The following CAMK2D variants were observed in gnomAD, a reference collection of about 807,000 sequenced individuals.
CAMK2D encodes calcium/calmodulin dependent protein kinase II delta.
Under a neutral mutation model 84.0 loss-of-function variants are expected in CAMK2D, and 37 were observed. That is an observed-to-expected ratio of 0.44 (90% CI 0.34 to 0.58). The LOEUF (loss-of-function observed/expected upper bound fraction) is 0.58, where lower values mean the gene tolerates loss of function less well. Among genes scored for constraint, CAMK2D ranks in the 20% least tolerant of loss-of-function variants. The pLI is 0.02. For missense variants in CAMK2D, 448 were observed against 652.5 expected (o/e 0.69, Z 3.41); for synonymous variants, 202 against 212.5 (o/e 0.95, Z 0.43).
At chr4:113,664,529 T>C (rs1261883197) in intron 2 of CAMK2D, among the ~76,000 whole-genome samples, 1 of 152,158 alleles carries the variant, frequency 6.6e-6, no homozygotes, top group East Asian at 1.9e-4. Context: ...AGGGTCTGAG[T>C]TCCTAGCTAG....
intron 16 of CAMK2D, among the ~76,000 whole-genome samples, chr4:113,469,470 A>G (rs1033708003): frequency 6.6e-6 from 1 of 152,138 alleles, no homozygotes; most frequent in South Asian, 2.1e-4. Context: ...AATTCCTTCT[A>G]AAGACTCAAT....
intron 3 of CAMK2D, among the ~76,000 whole-genome samples, chr4:113,627,085 C>T (rs916911): frequency 0.092 from 14,036 of 151,966 alleles, 1,952 homozygotes; most frequent in African/African-American, 0.3. Context: ...ATGTAAAATT[C>T]TTATTATTTC....
chr4:113,502,991 A>G lies in CAMK2D; in HGVS notation c.1045-14T>C. ...AGTTTGGGGCTCCTGAGTGAGAACA[A>G]AATAGAGAAAGAAACAGTTCGCATT... On this transcript the variant is annotated splice_polypyrimidine_tract_variant and intron_variant, in intron 14 of 20. Transcript: ENST00000511664. 6.3e-7 allele frequency: 1 copy of G among 1,588,648 alleles called. No individual in the cohort carries two copies. The highest frequency in any genetic ancestry group is 8.6e-7 in the Non-Finnish European group (1 of 1,156,892).
intron 2 of CAMK2D, among the ~76,000 whole-genome samples, chr4:113,714,589 A>G (rs1430560411): frequency 1.3e-5 from 2 of 152,014 alleles, no homozygotes; most frequent in African/African-American, 4.8e-5. Context: ...TACCTTCCCT[A>G]TACCAGGAGA....
chr4:113,555,631 T>C (rs753028043), intron 4 of CAMK2D, among the ~76,000 whole-genome samples: 1 of 152,178 alleles, frequency 6.6e-6, no homozygotes, highest in Non-Finnish European at 1.5e-5. Flanking sequence ...CTTCATTTAG[T>C]GATGAAGGCA....
intron 3 of CAMK2D, among the ~76,000 whole-genome samples, chr4:113,617,061 G>T (rs1339338985): frequency 6.6e-6 from 1 of 152,022 alleles, no homozygotes; most frequent in Non-Finnish European, 1.5e-5. Context: ...TATGAATTTT[G>T]ATTGGTGATT....
intron 4 of CAMK2D, among the ~76,000 whole-genome samples, chr4:113,552,789 A>C (rs1332545790): frequency 6.6e-6 from 1 of 152,208 alleles, no homozygotes; most frequent in Non-Finnish European, 1.5e-5. Context: ...AAGTAAAATT[A>C]CTGGGTGAAA....
At chr4:113,525,648 T>C (rs2154177957) in intron 8 of CAMK2D, among the ~76,000 whole-genome samples, 1 of 152,286 alleles carries the variant, frequency 6.6e-6, no homozygotes, top group Non-Finnish European at 1.5e-5. Context: ...ATGATTCTAA[T>C]AAAAATAATG....
At chr4:113,709,317 C>T (rs184316789) in intron 2 of CAMK2D, among the ~76,000 whole-genome samples, 6 of 151,642 alleles carry the variant, frequency 4.0e-5, no homozygotes, top group Admixed American at 3.9e-4. Context: ...TTTTTTATGA[C>T]TTAAGAATAT....
intron 4 of CAMK2D, among the ~76,000 whole-genome samples, chr4:113,580,687 T>A (rs1194989464): frequency 6.6e-6 from 1 of 152,138 alleles, no homozygotes; most frequent in Non-Finnish European, 1.5e-5. Context: ...CTATCTTAAC[T>A]CATGAAGGCT....
At chr4:113,725,790 G>T (rs555277676) in intron 2 of CAMK2D, among the ~76,000 whole-genome samples, 1 of 152,190 alleles carries the variant, frequency 6.6e-6, no homozygotes, top group East Asian at 1.9e-4. Flanking sequence ...ATAGTTTCAA[G>T]TCCAGTAAAA....
intron 2 of CAMK2D, among the ~76,000 whole-genome samples, chr4:113,663,573 C>T (rs10428462): frequency 0.045 from 6,459 of 142,774 alleles, 474 homozygotes; most frequent in African/African-American, 0.17. Context: ...TGGGTGACAG[C>T]GGGAGGCTCT....
At chr4:113,558,058 T>C (rs185628899) in intron 4 of CAMK2D, among the ~76,000 whole-genome samples, 56 of 152,104 alleles carry the variant, frequency 3.7e-4, no homozygotes, top group African/African-American at 1.3e-3. Flanking sequence ...CTTTTGGAGG[T>C]GAGGAATCTG....
At chr4:113,525,515 T>C (rs574681766) in intron 8 of CAMK2D, among the ~76,000 whole-genome samples, 2 of 152,308 alleles carry the variant, frequency 1.3e-5, no homozygotes, top group African/African-American at 4.8e-5. Flanking sequence ...ATGTTTATTA[T>C]TTGCTTTCCA....
intron 3 of CAMK2D, among the ~76,000 whole-genome samples, chr4:113,650,238 G>T (rs184380077): frequency 5.3e-5 from 8 of 151,680 alleles, no homozygotes; most frequent in African/African-American, 1.7e-4. Context: ...GAAATTAGAC[G>T]GCTGGGTGTG....
At chr4:113,656,752 C>G (rs971379701) in intron 3 of CAMK2D, among the ~76,000 whole-genome samples, 2 of 152,154 alleles carry the variant, frequency 1.3e-5, no homozygotes, top group African/African-American at 4.8e-5. Context: ...ATGGCTTCCA[C>G]CTGTCATTTA....
At position 113,648,903 on chromosome 4, in the gene CAMK2D, T is replaced by C. The variant is rs80043133; in HGVS notation, c.220+12810A>G. On this transcript the variant is annotated intron_variant, in intron 3 of 20. Transcript: ENST00000511664. ...CTTTTTTGTCCATGTTCCCCCATAA[T>C]GGAAATGTTCCAATCCTTAAAAAAA... is the stretch of plus-strand genomic sequence containing the variant. Among the ~76,000 whole-genome samples, 24 of 152,304 alleles carry C rather than the reference T, an allele frequency of 1.6e-4. No individual in the cohort carries two copies. In the East Asian group the frequency reaches 4.2e-3, roughly 27 times the overall value.
At chr4:113,673,173 A>C (rs1214687039) in intron 2 of CAMK2D, among the ~76,000 whole-genome samples, 1 of 152,202 alleles carries the variant, frequency 6.6e-6, no homozygotes, top group Admixed American at 6.5e-5. Context: ...CAAGGGTACC[A>C]AATTGGAAGG....
At chr4:113,481,419 T>C (rs953639324) in intron 16 of CAMK2D, among the ~76,000 whole-genome samples, 2 of 152,134 alleles carry the variant, frequency 1.3e-5, no homozygotes, top group Non-Finnish European at 2.9e-5. Context: ...AGATAATAAA[T>C]ATAAAGAGAA....
Sources: gnomAD v4.1 joint callset for allele counts (sites outside exome capture counted in the v4.1 genomes callset) on GRCh38, gnomAD v4.1.1 for gene constraint, MANE v1.5 for transcripts, NCBI Gene and HGNC (gene_info 2026-07-23, HGNC 2026-07-21) for gene names.